Variants in MAP3K13 observed in about 807,000 individuals in gnomAD.
The protein encoded by MAP3K13 is leucine zipper-bearing kinase.
In MAP3K13, 52 loss-of-function variants were observed where a neutral mutation model predicts 104.0. The ratio of observed to expected loss-of-function variants is 0.50; its 90% confidence interval spans 0.40 to 0.63. The LOEUF (loss-of-function observed/expected upper bound fraction) is 0.63, where lower values mean the gene tolerates loss of function less well. Ranked by LOEUF, MAP3K13 falls within the 20% of genes least tolerant of loss-of-function variation. The pLI is 0.00. For missense variants in MAP3K13, 914 were observed against 1,218.5 expected (o/e 0.75, Z 3.72); for synonymous variants, 394 against 442.2 (o/e 0.89, Z 1.37).
At chr3:185,385,325 A>G (rs1711623405) in intron 1 of MAP3K13, among the ~76,000 whole-genome samples, 2 of 151,898 alleles carry the variant, frequency 1.3e-5, no homozygotes, top group Admixed American at 1.3e-4. Context: ...TAATTTTTGT[A>G]TTTTTGTTGT....
chr3:185,377,425 G>A (rs2108755095), intron 1 of MAP3K13, among the ~76,000 whole-genome samples: 1 of 152,150 alleles, frequency 6.6e-6, no homozygotes, highest in East Asian at 1.9e-4. Flanking sequence ...ATGTGAAGGA[G>A]GCTTTGAACT....
chr3:185,350,271 C>T (rs759940660), intron 2 of MAP3K13, among the ~76,000 whole-genome samples: 6 of 152,152 alleles, frequency 3.9e-5, no homozygotes, highest in Admixed American at 2.0e-4. Context: ...CGGCAACCTC[C>T]GCCTCCCGGG....
intron 1 of MAP3K13, among the ~76,000 whole-genome samples, chr3:185,395,481 C>T (rs1404418434): frequency 9.3e-6 from 1 of 107,326 alleles, no homozygotes; most frequent in Non-Finnish European, 1.9e-5. Context: ...GCCTCAGCCT[C>T]CCAAGTAGCT....
At chr3:185,328,304 G>A (rs1351586069) in intron 2 of MAP3K13, among the ~76,000 whole-genome samples, 5 of 152,192 alleles carry the variant, frequency 3.3e-5, no homozygotes, top group Non-Finnish European at 5.9e-5. Context: ...AGCTTCTGAG[G>A]AGGAAGGGAA....
chr3:185,481,983 C>A (rs972946063), intron 13 of MAP3K13, among the ~76,000 whole-genome samples: 2 of 152,202 alleles, frequency 1.3e-5, no homozygotes, highest in African/African-American at 4.8e-5. Context: ...GCTCAGGAGG[C>A]TGAGGCAGGA....
chr3:185,473,583 T>G lies in MAP3K13; in HGVS notation c.2252T>G (p.Val751Gly). The change falls in exon 11 of 14, where the codon GTG becomes GGG. Residue 751 changes from valine (V) to glycine (G), a missense_variant. Val to Gly is a moderately radical substitution (Grantham distance 109). Transcript: ENST00000265026. The surrounding 1 kb of genome is among the most constrained non-coding windows in gnomAD (Gnocchi z 4.9). ...TTAGACATACCCTCTGCTGAGCCAG[T>G]GGGGAGGAGCCCTGACCTTTCCAAG... ...GSLDIPSAEP[V>G]GRSPDLSKSP... 6.2e-7 allele frequency: 1 copy of G among 1,614,148 alleles called. No individual in the cohort carries two copies. The highest frequency in any genetic ancestry group is 1.1e-5 in the South Asian group (1 of 91,080).
intron 1 of MAP3K13, among the ~76,000 whole-genome samples, chr3:185,374,410 A>G (rs940111406): frequency 7.9e-5 from 12 of 152,016 alleles, no homozygotes; most frequent in African/African-American, 2.9e-4. Context: ...AAGCTGAAGG[A>G]AGATTTTGTG....
chr3:185,359,549 C>G (rs1265441987), upstream of MAP3K13, among the ~76,000 whole-genome samples: 3 of 152,170 alleles, frequency 2.0e-5, no homozygotes, highest in Non-Finnish European at 4.4e-5. Context: ...AAACCAGCTA[C>G]CAGTATCATT....
chr3:185,477,304 T>G, intron 11 of MAP3K13, 22 bp from the exon 12 acceptor site: 1 of 1,505,918 alleles, frequency 6.6e-7, no homozygotes, highest in Non-Finnish European at 9.2e-7. Context: ...TAAATAAAAC[T>G]CTTAATCCTT....
intron 2 of MAP3K13, among the ~76,000 whole-genome samples, chr3:185,312,125 G>T (rs1474125361): frequency 6.6e-6 from 1 of 152,224 alleles, no homozygotes; most frequent in Non-Finnish European, 1.5e-5. Flanking sequence ...TTTTCCACGT[G>T]AAGAGGAACT....
At chr3:185,288,567 A>G (rs901705721) in intron 2 of MAP3K13, among the ~76,000 whole-genome samples, 2 of 150,752 alleles carry the variant, frequency 1.3e-5, no homozygotes, top group African/African-American at 4.9e-5. Context: ...AAAACCAGAT[A>G]GGAAGTTATT....
intron 2 of MAP3K13, among the ~76,000 whole-genome samples, chr3:185,306,404 A>G (rs532224223): frequency 6.6e-6 from 1 of 152,360 alleles, no homozygotes; most frequent in South Asian, 2.1e-4. Context: ...CCAACAGTGC[A>G]TAAGTATTCT....
intron 1 of MAP3K13, among the ~76,000 whole-genome samples, chr3:185,394,032 T>G (rs1479398618): frequency 6.6e-6 from 1 of 152,004 alleles, no homozygotes; most frequent in Non-Finnish European, 1.5e-5. Flanking sequence ...TTAGCCAAGA[T>G]GTGGATGTTG....
intron 1 of MAP3K13, among the ~76,000 whole-genome samples, chr3:185,416,894 A>G (rs1713813136): frequency 6.6e-6 from 1 of 151,574 alleles, no homozygotes; most frequent in South Asian, 2.1e-4. Context: ...AAGTGCTGGG[A>G]GTACAGGCAT....
intron 2 of MAP3K13, among the ~76,000 whole-genome samples, chr3:185,298,690 C>CA (rs1407482382): frequency 6.6e-6 from 1 of 152,128 alleles, no homozygotes; most frequent in Non-Finnish European, 1.5e-5. Context: ...TATCTTCCAG[C>CA]ATAAGTGATG....
At position 185,353,651 on chromosome 3, in the gene MAP3K13, A is replaced by G. The variant is rs1218152289; in HGVS notation, c.-86+68008A>G. On this transcript the variant is annotated intron_variant, in intron 2 of 14. Coordinates refer to the MAP3K13 transcript ENST00000424227. ...ATGGTCATATAAGGCTCATTTTAAA[A>G]CTGACTTCACAATTTACTGATTCAG... Among the ~76,000 whole-genome samples the G allele has an allele frequency of 2.6e-5, 4 of 152,288 alleles. No homozygotes were observed. The East Asian group carries it at 5.8e-4, about 22-fold the overall frequency.
At chr3:185,285,642 A>T in exon 2 of MAP3K13, 1 of 1,534,670 alleles carries the variant, frequency 6.5e-7, no homozygotes, top group Non-Finnish European at 8.7e-7. Context: ...ACTCTGGGAG[A>T]GGTAAGTAGT....
At chr3:185,352,058 A>G (rs1423983259) in intron 2 of MAP3K13, among the ~76,000 whole-genome samples, 1 of 151,820 alleles carries the variant, frequency 6.6e-6, no homozygotes, top group Non-Finnish European at 1.5e-5. Flanking sequence ...CTCACATCTC[A>G]TTGACTAGAA....
chr3:185,354,417 A>G (rs986790523), intron 2 of MAP3K13, among the ~76,000 whole-genome samples: 4 of 149,336 alleles, frequency 2.7e-5, no homozygotes, highest in Non-Finnish European at 4.5e-5. Context: ...CCTATAGGTT[A>G]GGCTACCGGG....
Sources: gnomAD v4.1 joint callset for allele counts (sites outside exome capture counted in the v4.1 genomes callset) on GRCh38, gnomAD v4.1.1 for gene constraint, Gnocchi (gnomAD v3.1) non-coding constraint, MANE v1.5 for transcripts, NCBI Gene and HGNC (gene_info 2026-07-23, HGNC 2026-07-21) for gene names.